The following PKIB variants were observed in gnomAD, a reference collection of about 807,000 sequenced individuals.
The protein encoded by PKIB is cAMP-dependent protein kinase inhibitor beta.
Under a neutral mutation model 4.5 loss-of-function variants are expected in PKIB, and 2 were observed. The observed-to-expected ratio is 0.44, with a 90% CI of 0.18 to 1.39. The LOEUF is 1.39. PKIB is among the 40% of genes most tolerant of loss of function. The pLI, the probability that PKIB is intolerant of heterozygous loss-of-function variation, is 0.27. For synonymous variants in PKIB, 38 were observed against 36.0 expected (o/e 1.06, Z -0.20); for missense variants, 94 against 92.6 (o/e 1.02, Z -0.06).
chr6:122,608,004 C>A (rs1240070256), upstream of PKIB, among the ~76,000 whole-genome samples: 1 of 152,196 alleles, frequency 6.6e-6, no homozygotes, highest in Non-Finnish European at 1.5e-5. Flanking sequence ...TTGGTGGCTT[C>A]AATGTCCATA....
At chr6:122,691,379 C>A (rs1778348885) in intron 3 of PKIB, among the ~76,000 whole-genome samples, 1 of 151,842 alleles carries the variant, frequency 6.6e-6, no homozygotes, top group Non-Finnish European at 1.5e-5. Context: ...CCTTTTTATT[C>A]TTTTTGCTTT....
intron 2 of PKIB, among the ~76,000 whole-genome samples, chr6:122,559,983 G>A (rs1772967072): frequency 6.6e-6 from 1 of 152,106 alleles, no homozygotes; most frequent in Non-Finnish European, 1.5e-5. Flanking sequence ...CATATCATCA[G>A]CAAACAGTGA....
At chr6:122,475,573 G>T (rs1264449586) in intron 1 of PKIB, among the ~76,000 whole-genome samples, 2 of 152,124 alleles carry the variant, frequency 1.3e-5, no homozygotes, top group African/African-American at 4.8e-5. Flanking sequence ...ATCACCTGAG[G>T]TCAGGAGTTT....
chr6:122,511,395 A>T (rs1222916953), intron 2 of PKIB, among the ~76,000 whole-genome samples: 1 of 152,160 alleles, frequency 6.6e-6, no homozygotes, highest in Non-Finnish European at 1.5e-5. Context: ...AGTTTGTCCC[A>T]TTTGTGTCCC....
At chr6:122,490,946 G>A (rs971168349) in intron 2 of PKIB, among the ~76,000 whole-genome samples, 1 of 152,164 alleles carries the variant, frequency 6.6e-6, no homozygotes, top group African/African-American at 2.4e-5. Context: ...GATTATGTTA[G>A]TGGCAGTGAA....
At chr6:122,649,759 C>A (rs1776476954) in intron 2 of PKIB, among the ~76,000 whole-genome samples, 1 of 152,128 alleles carries the variant, frequency 6.6e-6, no homozygotes, top group Non-Finnish European at 1.5e-5. Context: ...GGCCCAGTAG[C>A]AGGCAAAAAG....
At chr6:122,591,748 G>T (rs989784129) in intron 3 of PKIB, among the ~76,000 whole-genome samples, 2 of 151,954 alleles carry the variant, frequency 1.3e-5, no homozygotes, top group Admixed American at 6.6e-5. Context: ...ATCTCACTCT[G>T]TTGCCCAGGC....
chr6:122,521,730 A>G (rs1182875151), intron 2 of PKIB, among the ~76,000 whole-genome samples: 1 of 152,128 alleles, frequency 6.6e-6, no homozygotes, highest in Non-Finnish European at 1.5e-5. Context: ...AAATGACGAT[A>G]TGTTTGATTT....
In PKIB at chr6:122,698,059, A is replaced by G. The variant is rs546623626; in HGVS notation, c.-8-19728A>G. On this transcript the variant is annotated intron_variant, in intron 3 of 4. Transcript: ENST00000368452. Reference sequence around the variant, plus strand: ...GCATCCATTGCCAAGATAAATGTCTAGAGTGTGCCAATTGTGCTGACCCTT... The same window carrying G: ...GCATCCATTGCCAAGATAAATGTCTGGAGTGTGCCAATTGTGCTGACCCTT... 7.2e-5 allele frequency among the ~76,000 whole-genome samples: 11 copies of G among 152,304 alleles called. No homozygotes were observed. In the East Asian group the frequency reaches 2.1e-3, roughly 29 times the overall value.
chr6:122,702,449 G>A (rs968620794), intron 3 of PKIB, among the ~76,000 whole-genome samples: 4 of 147,814 alleles, frequency 2.7e-5, no homozygotes, highest in African/African-American at 5.0e-5. Context: ...CCTGCCTCAC[G>A]CTCCTTAGTG....
At chr6:122,647,349 G>A (rs1395777743) in intron 2 of PKIB, among the ~76,000 whole-genome samples, 1 of 152,178 alleles carries the variant, frequency 6.6e-6, no homozygotes, top group East Asian at 1.9e-4. Context: ...AAACACCTAG[G>A]TGAGTGTCCG....
chr6:122,620,134 T>G (rs1296025885), intron 1 of PKIB, among the ~76,000 whole-genome samples: 1 of 152,194 alleles, frequency 6.6e-6, no homozygotes, highest in East Asian at 1.9e-4. Context: ...CTTTGAGCAC[T>G]CTGGCTATAC....
chr6:122,671,939 C>G (rs1195738173), intron 2 of PKIB, among the ~76,000 whole-genome samples: 2 of 152,052 alleles, frequency 1.3e-5, no homozygotes, highest in African/African-American at 4.8e-5. Flanking sequence ...TTACCAAACC[C>G]TAGTACCAAA....
At chr6:122,682,708 C>T (rs1777946905) in intron 3 of PKIB, among the ~76,000 whole-genome samples, 1 of 152,114 alleles carries the variant, frequency 6.6e-6, no homozygotes, top group African/African-American at 2.4e-5. Context: ...TCTGGTCTCT[C>T]TGCTCTCTTC....
Position 122,717,889 on chromosome 6 carries a change from A to G in PKIB, c.95A>G (p.Asp32Gly). The G allele has an allele frequency of 3.1e-6, 5 of 1,614,136 alleles. No individual in the cohort carries two copies. Among genetic ancestry groups the G allele is most frequent in the Non-Finnish European group, 4.2e-6 (5 of 1,179,994 alleles). ...GCAGGCCGCCGGAATGCCTTACCAG[A>G]CATCCAGAGTTCAGCTGCCACAGAC... is the stretch of plus-strand genomic sequence containing the variant. Reference protein sequence around the residue: ...ARAGRRNALPDIQSSAATDGT... With the variant: ...ARAGRRNALPGIQSSAATDGT... The change falls in exon 4 of 5, where the codon GAC becomes GGC. Residue 32 changes from aspartate (D) to glycine (G), a missense_variant. By Grantham distance (94) the Asp-to-Gly change is moderately conservative (BLOSUM62 -1). Transcript: ENST00000368452.
chr6:122,516,152 A>G (rs745710682), intron 2 of PKIB, among the ~76,000 whole-genome samples: 1 of 152,218 alleles, frequency 6.6e-6, no homozygotes, highest in Non-Finnish European at 1.5e-5. Context: ...AATCTCAAAG[A>G]GCACACACGT....
chr6:122,511,184 C>T (rs1776574387), intron 2 of PKIB, among the ~76,000 whole-genome samples: 1 of 152,150 alleles, frequency 6.6e-6, no homozygotes, highest in Admixed American at 6.5e-5. Context: ...AAAGGAATTT[C>T]CTTTCCTTTT....
At chr6:122,614,897 C>T (rs948522541) in intron 1 of PKIB, among the ~76,000 whole-genome samples, 1 of 151,992 alleles carries the variant, frequency 6.6e-6, no homozygotes, top group Admixed American at 6.6e-5. Context: ...AAAATAAATA[C>T]CTCTACCATG....
At chr6:122,672,509 T>C (rs1777506197) in intron 2 of PKIB, among the ~76,000 whole-genome samples, 2 of 152,282 alleles carry the variant, frequency 1.3e-5, no homozygotes, top group East Asian at 3.9e-4. Context: ...ACTGGCTTTT[T>C]GGCTGTTGAT....
Sources: gnomAD v4.1 joint callset for allele counts (sites outside exome capture counted in the v4.1 genomes callset) on GRCh38, gnomAD v4.1.1 for gene constraint, MANE v1.5 for transcripts, NCBI Gene and HGNC (gene_info 2026-07-23, HGNC 2026-07-21) for gene names.